The following PSTPIP1 variants were observed in gnomAD, a reference collection of about 807,000 sequenced individuals.
PSTPIP1 encodes the protein proline-serine-threonine phosphatase-interacting protein 1.
PSTPIP1 carries 66 observed loss-of-function variants against 69.6 expected under a neutral mutation model. That is an observed-to-expected ratio of 0.95 (90% CI 0.78 to 1.16). The LOEUF (loss-of-function observed/expected upper bound fraction) is 1.16, where lower values mean the gene tolerates loss of function less well. Ranked by LOEUF, PSTPIP1 falls within the 50% of genes most tolerant of loss-of-function variation. The pLI is 0.00. For synonymous variants in PSTPIP1, 266 were observed against 222.7 expected, an observed-to-expected ratio of 1.19 and a Z score of -1.73; for missense variants, 603 against 557.4, an observed-to-expected ratio of 1.08 and a Z score of -0.82.
chr15:77,027,706 G>T lies in PSTPIP1; in HGVS notation c.355-146G>T. 1.1e-6 allele frequency: 1 copy of T among 875,282 alleles called. No homozygotes were observed. The highest frequency in any genetic ancestry group is 1.4e-5 in the South Asian group (1 of 69,968). The allele number at this position is 875,282 out of a possible 1,614,324, so 54.2% of individuals were successfully genotyped here. A position where few individuals can be genotyped will look rare whatever the true frequency, so the allele number is the denominator to read the frequency against. ...TGTGAGGGTCACTGTGAAGCAGCAG[G>T]CTCTGGGGGAGGGAGGGCAGCCTGT... On this transcript the variant is annotated intron_variant, in intron 5 of 14. Coordinates refer to ENST00000558012, the MANE Select transcript of PSTPIP1 (RefSeq NM_003978.5). This position sits in a 1 kb window ranked among gnomAD's most constrained non-coding sequence, Gnocchi z 4.3.
At chr15:77,009,817 G>A (rs905223619) in intron 1 of PSTPIP1, among the ~76,000 whole-genome samples, 4 of 152,166 alleles carry the variant, frequency 2.6e-5, no homozygotes, top group African/African-American at 9.7e-5. Flanking sequence ...GCCCTGTCAC[G>A]CCCCACTGCC....
intron 7 of PSTPIP1, 22 bp from the exon 8 acceptor site, chr15:77,029,507 T>C (rs2076363478): frequency 6.4e-7 from 1 of 1,568,238 alleles, no homozygotes; most frequent in Non-Finnish European, 8.6e-7. Context: ...GGCTTAGCGC[T>C]GCTTCCCCTC....
rs3812913 is a variant in PSTPIP1, at chr15:77,018,374, A to T, written c.138-83A>T. The T allele has an allele frequency of 2.7e-3, 4,179 of 1,539,148 alleles. 88 individuals are homozygous for T. The East Asian group carries it at 0.052, about 19-fold the overall frequency. ...GTCAGAACACGCCCTGCTTTAAAAAACTCTTCTGTGTTCCCTCAAACCTGG... is the reference window on the plus strand; with the variant it reads ...GTCAGAACACGCCCTGCTTTAAAAATCTCTTCTGTGTTCCCTCAAACCTGG... On this transcript the variant is annotated intron_variant, in intron 2 of 14. Transcript: ENST00000558012.
chr15:77,001,855 G>A (rs2075715774), intron 1 of PSTPIP1, among the ~76,000 whole-genome samples: 1 of 152,236 alleles, frequency 6.6e-6, no homozygotes, highest in Non-Finnish European at 1.5e-5. Flanking sequence ...GTTGCCTGTT[G>A]GGAGAATGAG....
Position 77,032,218 on chromosome 15 carries a change from G to A in PSTPIP1, c.742-80G>A, listed in dbSNP as rs1259729324. On this transcript the variant is annotated intron_variant, in intron 10 of 14. Coordinates refer to ENST00000558012, the MANE Select transcript of PSTPIP1 (RefSeq NM_003978.5). The stretch of plus-strand genomic sequence containing the variant: ...ATGGCCTGTGAGGAGGCCGGTGGGT[G>A]GGGGCCGCTGGTCAGAGTTCAGGCC... 2.1e-6 allele frequency: 3 copies of A among 1,435,508 alleles called. No homozygotes were observed. In the African/African-American group the frequency reaches 4.2e-5, roughly 20 times the overall value. 88.9% of individuals were successfully genotyped at this position (1,435,508 alleles called of 1,614,324 possible).
Position 77,027,836 on chromosome 15 carries a change from C to G in PSTPIP1, c.355-16C>G, listed in dbSNP as rs767272289. The G allele has an allele frequency of 3.2e-5, 50 of 1,559,804 alleles. 2 individuals carry two copies. In the East Asian group the frequency reaches 3.4e-4, roughly 11 times the overall value. On this transcript the variant is annotated splice_polypyrimidine_tract_variant and intron_variant, in intron 5 of 14. Coordinates refer to ENST00000558012, the MANE Select transcript of PSTPIP1 (RefSeq NM_003978.5). This position sits in a 1 kb window ranked among gnomAD's most constrained non-coding sequence, Gnocchi z 4.3. ...GAGGCCGCGGCCCTCGGCTCAGAAC[C>G]TCGTGTCCCCTGCAGTATGAGGCCG...
At chr15:77,019,206 G>C (rs1296489358) in intron 3 of PSTPIP1, among the ~76,000 whole-genome samples, 1 of 152,208 alleles carries the variant, frequency 6.6e-6, no homozygotes, top group East Asian at 1.9e-4. Context: ...ATGAAGGTGA[G>C]TTCAGGACAC....
chr15:77,010,518 T>C (rs1208765696), intron 1 of PSTPIP1, among the ~76,000 whole-genome samples: 3 of 152,196 alleles, frequency 2.0e-5, no homozygotes, highest in Admixed American at 2.0e-4. Context: ...CTCTGCTGCC[T>C]TGAAGCAGGT....
At chr15:77,007,194 C>T (rs1269221002) in intron 1 of PSTPIP1, among the ~76,000 whole-genome samples, 4 of 152,168 alleles carry the variant, frequency 2.6e-5, no homozygotes, top group Admixed American at 2.0e-4. Context: ...TGCTCTCACT[C>T]TTCTTCAAGG....
chr15:77,010,051 G>A (rs190862146), intron 1 of PSTPIP1, among the ~76,000 whole-genome samples: 105 of 152,228 alleles, frequency 6.9e-4, no homozygotes, highest in African/African-American at 2.4e-3. Context: ...CCTCCTCCAG[G>A]GCTTGGGGTC....
At chr15:77,031,401 G>A (rs986780296) in intron 10 of PSTPIP1, 123 bp downstream of exon 10, 124 of 1,054,416 alleles carry the variant, frequency 1.2e-4, no homozygotes, top group Middle Eastern at 2.1e-4. Context: ...GGCCCCAGGG[G>A]TCTCAGGCCT....
intron 1 of PSTPIP1, among the ~76,000 whole-genome samples, chr15:77,001,739 G>A (rs750868747): frequency 1.3e-5 from 2 of 152,170 alleles, no homozygotes; most frequent in Non-Finnish European, 2.9e-5. Context: ...GCACCTGGTC[G>A]GCAACCCGTT....
At chr15:77,010,935 C>G (rs933370671) in intron 1 of PSTPIP1, among the ~76,000 whole-genome samples, 1 of 152,180 alleles carries the variant, frequency 6.6e-6, no homozygotes, top group Non-Finnish European at 1.5e-5. Flanking sequence ...TGTGAGCCAC[C>G]ACGTCCAGCC....
intron 12 of PSTPIP1, among the ~76,000 whole-genome samples, chr15:77,034,981 G>T (rs1274738747): frequency 6.6e-6 from 1 of 152,274 alleles, no homozygotes; most frequent in Non-Finnish European, 1.5e-5. Context: ...ATCACCGTGG[G>T]CCCACAGGGA....
At chr15:77,015,225 T>C (rs975890654) in intron 1 of PSTPIP1, among the ~76,000 whole-genome samples, 3 of 152,226 alleles carry the variant, frequency 2.0e-5, no homozygotes, top group Non-Finnish European at 4.4e-5. Flanking sequence ...TGTTCCAAAA[T>C]AGAAAATGGT....
chr15:77,000,458 G>GATATATATATATAT (rs148680520), intron 1 of PSTPIP1, among the ~76,000 whole-genome samples: 1 of 139,120 alleles, frequency 7.2e-6, no homozygotes, highest in African/African-American at 2.8e-5. Context: ...CATTTAAAGA[G>GATATATATATATAT]AGATATATAT....
At chr15:77,032,732 A>G in intron 11 of PSTPIP1, 130 bp from the exon 12 acceptor site, 1 of 767,052 alleles carries the variant, frequency 1.3e-6, no homozygotes, top group East Asian at 2.7e-5. Flanking sequence ...TCATGGGAGC[A>G]AGACAGGCAC....
At chr15:77,005,613 C>G (rs749971627) in intron 1 of PSTPIP1, among the ~76,000 whole-genome samples, 5 of 152,172 alleles carry the variant, frequency 3.3e-5, no homozygotes, top group Non-Finnish European at 4.4e-5. Context: ...TCATCCTGAA[C>G]AGAAATTGTA....
chr15:77,015,500 G>A (rs545222701), intron 1 of PSTPIP1, among the ~76,000 whole-genome samples: 25 of 152,290 alleles, frequency 1.6e-4, no homozygotes, highest in African/African-American at 5.5e-4. Context: ...GGCAGCATTC[G>A]GATGACAGAG....
Sources: allele counts gnomAD v4.1 joint callset (sites outside exome capture counted in the v4.1 genomes callset), GRCh38; gene constraint gnomAD v4.1.1; non-coding constraint Gnocchi (gnomAD v3.1); transcripts MANE v1.5; gene names NCBI Gene and HGNC (gene_info 2026-07-23, HGNC 2026-07-21).